Variants in SPATA6 observed in about 807,000 individuals in gnomAD.
SPATA6 encodes spermatogenesis-associated protein 6.
SPATA6 carries 56 observed loss-of-function variants against 65.3 expected under a neutral mutation model. The ratio of observed to expected loss-of-function variants is 0.86; its 90% CI spans 0.69 to 1.07. SPATA6 has a LOEUF of 1.07. SPATA6 is among the 50% of genes least tolerant of loss of function. The probability of loss-of-function intolerance (pLI) is 0.00; values close to 1 mark genes in which losing one functional copy is unlikely to be tolerated. For synonymous variants in SPATA6, 199 were observed against 213.2 expected (o/e 0.93, Z 0.58); for missense variants, 590 against 594.8 (o/e 0.99, Z 0.08).
At chr1:48,443,522 T>A (rs1047235208) in intron 3 of SPATA6, among the ~76,000 whole-genome samples, 3 of 152,156 alleles carry the variant, frequency 2.0e-5, no homozygotes, top group Admixed American at 6.5e-5. Flanking sequence ...ATCTATCCAG[T>A]AAGGATACAA....
At chr1:48,269,257 T>A in the SPATA6 span, among the ~76,000 whole-genome samples, 1 of 152,188 alleles carries the variant, frequency 6.6e-6, no homozygotes, top group Non-Finnish European at 1.5e-5. Context: ...TGAATTTTAG[T>A]CATCACAATG....
intron 3 of SPATA6, among the ~76,000 whole-genome samples, chr1:48,443,331 C>A (rs1228288496): frequency 6.6e-6 from 1 of 152,156 alleles, no homozygotes; most frequent in African/African-American, 2.4e-5. Context: ...AGAAATCAGA[C>A]CCTATCAGTG....
rs1658311915 is a variant in SPATA6, at chr1:48,472,078, G to A, written c.-70C>T. ...GAGTGAGGCGGGGAGACCTGGGGCT[G>A]GGCGGGGACGGGGAGGAGACGAGGT... On this transcript the variant is annotated 5_prime_UTR_variant, in exon 1 of 13. It introduces an in-frame stop codon into an upstream open reading frame of the 5' UTR. Coordinates refer to ENST00000371847, the MANE Select transcript of SPATA6 (RefSeq NM_019073.4). 1 of 1,213,122 alleles carries A rather than the reference G, an allele frequency of 8.2e-7. No homozygotes were observed. The highest frequency in any genetic ancestry group is 1.1e-6 in the Non-Finnish European group (1 of 909,072). The allele number at this position is 1,213,122 out of a possible 1,614,324, so 75.1% of individuals were successfully genotyped here.
chr1:48,424,542 T>C (rs1653659651), intron 3 of SPATA6, among the ~76,000 whole-genome samples: 1 of 152,182 alleles, frequency 6.6e-6, no homozygotes, highest in Admixed American at 6.5e-5. Flanking sequence ...CTCTTATTTT[T>C]AGTTTTCTGA....
chr1:48,326,864 A>C (rs778551743), intron 11 of SPATA6, among the ~76,000 whole-genome samples: 1 of 152,208 alleles, frequency 6.6e-6, no homozygotes, highest in Non-Finnish European at 1.5e-5. Flanking sequence ...TGATATATTA[A>C]AGACTTAAAT....
chr1:48,413,371 C>A (rs1196429175), intron 3 of SPATA6, among the ~76,000 whole-genome samples: 1 of 150,626 alleles, frequency 6.6e-6, no homozygotes, highest in Non-Finnish European at 1.5e-5. Context: ...CTCACTGCAA[C>A]CTCCGCCTCC....
At chr1:48,285,957 C>T in the SPATA6 span, among the ~76,000 whole-genome samples, 9 of 152,100 alleles carry the variant, frequency 5.9e-5, no homozygotes, top group East Asian at 1.2e-3. Flanking sequence ...TTCTTGACAC[C>T]GTTGTTGAAT....
intron 3 of SPATA6, among the ~76,000 whole-genome samples, chr1:48,433,967 C>T (rs1177506433): frequency 6.6e-6 from 1 of 151,994 alleles, no homozygotes; most frequent in Non-Finnish European, 1.5e-5. Context: ...ACAGAAACAC[C>T]CAGTAACATA....
intron 3 of SPATA6, among the ~76,000 whole-genome samples, chr1:48,433,167 T>A (rs1324413988): frequency 6.6e-6 from 1 of 152,142 alleles, no homozygotes; most frequent in East Asian, 1.9e-4. Flanking sequence ...ATGGGTATAG[T>A]TTCAGTTTTA....
chr1:48,395,272 T>C lies in SPATA6; in HGVS notation c.863A>G (p.His288Arg). ...AAAGACAACTTCTAGCTTACCATTG[T>C]GCACCCTTGACCATCCATCTCTTTC... ...DCERDGWSRV[H>R]NDHSHLGCCR... The change falls in exon 8 of 13, where the codon CAC (histidine) becomes CGC (arginine). Residue 288 changes from histidine to arginine, a missense_variant. Coordinates refer to ENST00000371847, the MANE Select transcript of SPATA6 (RefSeq NM_019073.4). 6.4e-7 allele frequency: 1 copy of C among 1,559,364 alleles called. No individual in the cohort carries two copies. The highest frequency in any genetic ancestry group is 8.7e-7 in the Non-Finnish European group (1 of 1,149,860).
At chr1:48,448,260 C>CAA (rs56675907) in intron 3 of SPATA6, among the ~76,000 whole-genome samples, 4,689 of 119,634 alleles carry the variant, frequency 0.039, 248 homozygotes, top group African/African-American at 0.13. Flanking sequence ...GATCCTGTCT[C>CAA]AAAAAAAAAA....
intron 5 of SPATA6, among the ~76,000 whole-genome samples, chr1:48,404,536 T>A (rs762340538): frequency 2.6e-4 from 39 of 151,932 alleles, no homozygotes; most frequent in Admixed American, 6.6e-5. Flanking sequence ...AGATACAGGA[T>A]CTCACTATGT....
chr1:48,358,755 T>C (rs1225316610), intron 10 of SPATA6, among the ~76,000 whole-genome samples: 1 of 152,180 alleles, frequency 6.6e-6, no homozygotes, highest in Admixed American at 6.6e-5. Context: ...ATGATTCTAA[T>C]GGACTAGAAG....
At chr1:48,364,507 G>A (rs1000313943) in intron 9 of SPATA6, among the ~76,000 whole-genome samples, 1 of 152,220 alleles carries the variant, frequency 6.6e-6, no homozygotes. Flanking sequence ...ACTGGTGTGA[G>A]ATGGTATCTC....
intron 1 of SPATA6, among the ~76,000 whole-genome samples, chr1:48,455,259 C>T (rs1472982283): frequency 6.6e-6 from 1 of 151,860 alleles, no homozygotes; most frequent in Non-Finnish European, 1.5e-5. Flanking sequence ...GTTTTTAAGA[C>T]TCAGTAAAAA....
chr1:48,358,416 A>G (rs1378658313), intron 10 of SPATA6, among the ~76,000 whole-genome samples: 1 of 151,722 alleles, frequency 6.6e-6, no homozygotes, highest in African/African-American at 2.4e-5. Flanking sequence ...AAAGTTTATT[A>G]TAAAAGTAAA....
chr1:48,397,471 C>G (rs149379314), intron 7 of SPATA6, among the ~76,000 whole-genome samples: 25 of 151,706 alleles, frequency 1.6e-4, no homozygotes, highest in African/African-American at 6.0e-4. Context: ...TAATTGATTT[C>G]TTAAAACTGT....
chr1:48,363,629 T>G (rs1259094358), intron 9 of SPATA6, among the ~76,000 whole-genome samples: 1 of 152,052 alleles, frequency 6.6e-6, no homozygotes, highest in Admixed American at 6.5e-5. Context: ...AAAGAGTTTT[T>G]TTAATGACTT....
intron 11 of SPATA6, among the ~76,000 whole-genome samples, chr1:48,346,995 C>G (rs903017128): frequency 6.6e-6 from 1 of 151,774 alleles, no homozygotes; most frequent in Non-Finnish European, 1.5e-5. Flanking sequence ...CAAAAAGGAG[C>G]CTGAAGAGCC....
Sources: allele counts gnomAD v4.1 joint callset (sites outside exome capture counted in the v4.1 genomes callset), GRCh38; gene constraint gnomAD v4.1.1; transcripts MANE v1.5; gene names NCBI Gene and HGNC (gene_info 2026-07-23, HGNC 2026-07-21).